The following PTPRQ variants were observed in gnomAD, a reference collection of about 807,000 sequenced individuals.
PTPRQ encodes phosphatidylinositol phosphatase PTPRQ.
PTPRQ carries 199 observed loss-of-function variants against 246.0 expected under a neutral mutation model. That is an observed-to-expected ratio of 0.81 (90% CI 0.72 to 0.91). PTPRQ has a LOEUF of 0.91. Among genes scored for constraint, PTPRQ ranks in the 40% least tolerant of loss-of-function variants. The pLI is 0.00. For missense variants in PTPRQ, 2,624 were observed against 2,528.4 expected, an observed-to-expected ratio of 1.04 and a Z score of -0.81; for synonymous variants, 869 against 853.2, an observed-to-expected ratio of 1.02 and a Z score of -0.32.
At chr12:80,580,025 G>A (rs1897386754) in intron 25 of PTPRQ, among the ~76,000 whole-genome samples, 1 of 152,048 alleles carries the variant, frequency 6.6e-6, no homozygotes, top group South Asian at 2.1e-4. Flanking sequence ...ACTTATCCAG[G>A]TCAATGAGAA....
chr12:80,676,512 C>T lies in PTPRQ; in HGVS notation c.6739-2090C>T, dbSNP rs776798921. On this transcript the variant is annotated intron_variant, in intron 43 of 44. Coordinates refer to ENST00000644991, the MANE Select transcript of PTPRQ (RefSeq NM_001145026.2). ...ACAAAATCAGCCAGGCGTGGTGGCG[C>T]GTGCCTGTAATCCCAGCTACACTGG... is the stretch of plus-strand genomic sequence containing the variant. Among the ~76,000 whole-genome samples, 19 of 152,160 alleles carry T rather than the reference C, an allele frequency of 1.2e-4. 1 individual carries two copies. The highest frequency in any genetic ancestry group is 1.8e-4 in the Non-Finnish European group (12 of 67,982).
chr12:80,530,423 A>G (rs1895811732), intron 17 of PTPRQ, among the ~76,000 whole-genome samples: 1 of 152,172 alleles, frequency 6.6e-6, no homozygotes, highest in Non-Finnish European at 1.5e-5. Context: ...TGCTAATTAC[A>G]TTTTGTTGGA....
chr12:80,454,757 G>GA (rs984088710), intron 3 of PTPRQ, among the ~76,000 whole-genome samples: 9 of 149,014 alleles, frequency 6.0e-5, no homozygotes, highest in South Asian at 2.1e-4. Context: ...GAAAAATATT[G>GA]AAAAAAAAAC....
At chr12:80,634,903 T>G (rs1233730070) in intron 34 of PTPRQ, 42 bp from the exon 35 acceptor site, 1 of 1,544,218 alleles carries the variant, frequency 6.5e-7, no homozygotes, top group African/African-American at 1.4e-5. Context: ...TTATATACTT[T>G]GTGTGAAACT....
chr12:80,670,450 C>T lies in PTPRQ; in HGVS notation c.6560C>T (p.Ala2187Val), dbSNP rs910245764. Residue 2187 changes from alanine to valine, a missense_variant, in exon 42 of 45, where the codon GCA (alanine) becomes GTA (valine). Coordinates refer to ENST00000644991, the MANE Select transcript of PTPRQ (RefSeq NM_001145026.2). ...PLIHFVKLVR[A>V]SRAHDTTPMI... ...ATTCACTTTGTGAAGTTGGTTCGAG[C>T]AAGCAGGGCACATGACACCACACCT... The T allele has an allele frequency of 1.8e-5, 28 of 1,551,094 alleles. No homozygotes were observed. The East Asian group carries it at 6.8e-4, about 38-fold the overall frequency.
At position 80,535,011 on chromosome 12, in the gene PTPRQ, A is replaced by G; in HGVS notation, c.2959A>G (p.Arg987Gly). The G allele has an allele frequency of 6.5e-7, 1 of 1,534,034 alleles. No individual in the cohort carries two copies. Among genetic ancestry groups the G allele is most frequent in the Non-Finnish European group, 8.8e-7 (1 of 1,141,740 alleles). ...TATACAATATTACTCTGTTTATTAC[A>G]GAAATACTTCAGGTACTTTTATGCA... ...GIIQYYSVYY[R>G]NTSGTFMQNF... Residue 987 changes from arginine to glycine, a missense_variant, in exon 19 of 45, where the codon AGA becomes GGA. Arg to Gly is a moderately radical substitution (Grantham distance 125). Transcript: ENST00000644991.
chr12:80,634,813 C>A (rs1899579749), intron 34 of PTPRQ, 132 bp from the exon 35 acceptor site: 1 of 1,313,868 alleles, frequency 7.6e-7, no homozygotes, highest in Non-Finnish European at 1.0e-6. Context: ...TATAAATTTG[C>A]AACATATTCA....
chr12:80,531,879 A>G (rs958230728), intron 17 of PTPRQ, among the ~76,000 whole-genome samples: 22 of 152,196 alleles, frequency 1.4e-4, no homozygotes, highest in African/African-American at 5.1e-4. Flanking sequence ...TTGAAACTAT[A>G]TATATGCAAA....
intron 17 of PTPRQ, among the ~76,000 whole-genome samples, chr12:80,513,483 T>A (rs1282459483): frequency 6.6e-6 from 1 of 152,154 alleles, no homozygotes; most frequent in Non-Finnish European, 1.5e-5. Context: ...CGCTTGTGTG[T>A]GTGCCCGTTA....
intron 26 of PTPRQ, among the ~76,000 whole-genome samples, chr12:80,598,505 C>T (rs1262656190): frequency 1.3e-5 from 2 of 151,924 alleles, no homozygotes; most frequent in Non-Finnish European, 2.9e-5. Context: ...AATCCACCAG[C>T]GAGTTGGATT....
intron 3 of PTPRQ, among the ~76,000 whole-genome samples, chr12:80,449,859 G>A (rs1294674690): frequency 4.6e-5 from 7 of 152,018 alleles, no homozygotes; most frequent in Admixed American, 4.6e-4. Flanking sequence ...GGCGATGTGG[G>A]CTCTTTTTTG....
intron 25 of PTPRQ, among the ~76,000 whole-genome samples, chr12:80,580,158 C>A (rs1489352612): frequency 6.6e-6 from 1 of 152,104 alleles, no homozygotes; most frequent in Non-Finnish European, 1.5e-5. Context: ...GTAGAATTTA[C>A]TGGTCAGTAA....
At chr12:80,577,519 G>C (rs1897307970) in intron 25 of PTPRQ, among the ~76,000 whole-genome samples, 1 of 152,128 alleles carries the variant, frequency 6.6e-6, no homozygotes, top group Non-Finnish European at 1.5e-5. Flanking sequence ...TGAGATTTGG[G>C]TGGGGACACA....
intron 39 of PTPRQ, among the ~76,000 whole-genome samples, chr12:80,659,592 G>A (rs1035142537): frequency 3.3e-5 from 5 of 151,970 alleles, no homozygotes; most frequent in African/African-American, 1.2e-4. Flanking sequence ...ATTTTAGTAG[G>A]TGTAGCTGAA....
chr12:80,489,708 T>G (rs1441539741), intron 9 of PTPRQ, among the ~76,000 whole-genome samples: 1 of 151,936 alleles, frequency 6.6e-6, no homozygotes, highest in Non-Finnish European at 1.5e-5. Context: ...ATTTCTTCCT[T>G]CTTTCAAAAC....
At chr12:80,501,303 G>T (rs1894791705) in intron 14 of PTPRQ, among the ~76,000 whole-genome samples, 1 of 151,936 alleles carries the variant, frequency 6.6e-6, no homozygotes, top group Non-Finnish European at 1.5e-5. Flanking sequence ...GATTGCTGCT[G>T]AATATGTTGA....
At chr12:80,450,775 T>A (rs1892735152) in intron 3 of PTPRQ, among the ~76,000 whole-genome samples, 1 of 152,260 alleles carries the variant, frequency 6.6e-6, no homozygotes, top group Non-Finnish European at 1.5e-5. Context: ...CTGGATTCCA[T>A]TTGCCAGTAT....
chr12:80,448,710 T>C (rs1485578889), intron 3 of PTPRQ, among the ~76,000 whole-genome samples: 2 of 149,816 alleles, frequency 1.3e-5, no homozygotes, highest in Admixed American at 6.7e-5. Flanking sequence ...GAACTCATCA[T>C]TTTTTATGGC....
At chr12:80,615,412 T>C (rs1329180946) in intron 29 of PTPRQ, among the ~76,000 whole-genome samples, 2 of 150,912 alleles carry the variant, frequency 1.3e-5, no homozygotes, top group Non-Finnish European at 3.0e-5. Context: ...CTGAATTGGG[T>C]TTATCGAGTA....
Sources: gnomAD v4.1 joint callset for allele counts (sites outside exome capture counted in the v4.1 genomes callset) on GRCh38, gnomAD v4.1.1 for gene constraint, MANE v1.5 for transcripts, NCBI Gene and HGNC (gene_info 2026-07-23, HGNC 2026-07-21) for gene names.